Variants in PCDH15 observed in about 807,000 individuals in gnomAD.
PCDH15 encodes the protein protocadherin-15.
In PCDH15, 129 loss-of-function variants were observed where a neutral mutation model predicts 178.5. The observed-to-expected ratio is 0.72, with a 90% CI of 0.63 to 0.84. The LOEUF (loss-of-function observed/expected upper bound fraction) is 0.84. Among genes scored for constraint, PCDH15 ranks in the 40% least tolerant of loss-of-function variants. The pLI, the probability that PCDH15 is intolerant of heterozygous loss-of-function variation, is 0.00. For missense variants in PCDH15, 2,230 were observed against 2,099.9 expected, an observed-to-expected ratio of 1.06 and a Z score of -1.21; for synonymous variants, 800 against 732.0, an observed-to-expected ratio of 1.09 and a Z score of -1.50.
chr10:54,169,920 C>G (rs1486234389), intron 13 of PCDH15, among the ~76,000 whole-genome samples: 1 of 150,878 alleles, frequency 6.6e-6, no homozygotes, highest in East Asian at 1.9e-4. Flanking sequence ...AATTGTTTTG[C>G]CTATCCACCC....
At position 55,577,298 on chromosome 10, in the gene PCDH15, C is replaced by T. The variant is rs148014034; in HGVS notation, c.-156+50327G>A. 6.2e-3 allele frequency among the ~76,000 whole-genome samples: 938 copies of T among 151,936 alleles called. 10 individuals are homozygous for T. Among genetic ancestry groups the T allele is most frequent in the Middle Eastern group, 0.044 (13 of 294 alleles). ...GATTTGAATTCATATTTAAACTTGGCCAAAATTTATTTTCAGATTTTATTT... is the reference window on the plus strand; with the variant it reads ...GATTTGAATTCATATTTAAACTTGGTCAAAATTTATTTTCAGATTTTATTT... On this transcript the variant is annotated intron_variant, in intron 2 of 5. Coordinates refer to the PCDH15 transcript ENST00000613346.
intron 8 of PCDH15, among the ~76,000 whole-genome samples, chr10:54,296,609 A>G (rs1416573193): frequency 1.3e-5 from 2 of 152,074 alleles, no homozygotes; most frequent in South Asian, 2.1e-4. Context: ...TCCCTTCTTT[A>G]GGCACCCAGG....
At chr10:54,488,760 C>T (rs570175643) in intron 3 of PCDH15, among the ~76,000 whole-genome samples, 1 of 151,818 alleles carries the variant, frequency 6.6e-6, no homozygotes, top group African/African-American at 2.4e-5. Context: ...TAAGCAAATA[C>T]AGGAAGTCAT....
rs574130405 is a variant in PCDH15 at position 54,491,345 on chromosome 10, A to C, written c.157+36467T>G. ...GAAAGAAAAGTTAAAAAAAAAAAAG[A>C]AATGAAACTCCAAGAAATATGATCA... On this transcript the variant is annotated intron_variant, in intron 3 of 37. Transcript: ENST00000644397. Among the ~76,000 whole-genome samples the C allele has an allele frequency of 3.3e-5, 5 of 150,992 alleles. No homozygotes were observed. The South Asian group carries it at 8.4e-4, about 25-fold the overall frequency.
intron 2 of PCDH15, among the ~76,000 whole-genome samples, chr10:54,578,216 T>C (rs1371741899): frequency 5.3e-5 from 8 of 152,090 alleles, no homozygotes; most frequent in Non-Finnish European, 8.8e-5. Flanking sequence ...CTGCAGGAAG[T>C]TTTTGTGCCT....
At chr10:54,066,325 C>G (rs2094136637) in intron 18 of PCDH15, among the ~76,000 whole-genome samples, 1 of 152,016 alleles carries the variant, frequency 6.6e-6, no homozygotes, top group African/African-American at 2.4e-5. Flanking sequence ...CTTCTGAGTG[C>G]TGGAAAAGGT....
intron 1 of PCDH15, among the ~76,000 whole-genome samples, chr10:54,683,098 G>T (rs1483973945): frequency 1.3e-5 from 2 of 151,992 alleles, no homozygotes; most frequent in Non-Finnish European, 1.5e-5. Flanking sequence ...ATAAGACTTT[G>T]AAAGTCATAT....
chr10:54,089,872 G>T, intron 16 of PCDH15, 112 bp downstream of exon 16: 1 of 801,046 alleles, frequency 1.2e-6, no homozygotes, highest in Non-Finnish European at 2.1e-6. Context: ...ATAGAAAACA[G>T]AAAGGGAAGT....
At chr10:54,038,965 T>C (rs16937872) in intron 18 of PCDH15, among the ~76,000 whole-genome samples, 20,625 of 151,892 alleles carry the variant, frequency 0.14, 2,950 homozygotes, top group African/African-American at 0.35. Flanking sequence ...CTAATATTTG[T>C]CATTTTCCAC....
chr10:54,694,851 G>A (rs566195907), intron 1 of PCDH15, among the ~76,000 whole-genome samples: 140 of 152,128 alleles, frequency 9.2e-4, no homozygotes, highest in Admixed American at 1.8e-3. Context: ...GGAGTCCCAG[G>A]CCTCTCATTT....
At chr10:53,880,284 A>T in intron 26 of PCDH15, among the ~76,000 whole-genome samples, 1 of 152,198 alleles carries the variant, frequency 6.6e-6, no homozygotes, top group East Asian at 1.9e-4. Flanking sequence ...GAGCAGGAAG[A>T]CTTGTATTTT....
intron 2 of PCDH15, among the ~76,000 whole-genome samples, chr10:54,965,347 A>G (rs1020606151): frequency 2.0e-5 from 3 of 152,076 alleles, no homozygotes; most frequent in African/African-American, 7.2e-5. Context: ...TCCCCACGCT[A>G]TTCTCATGAC....
intron 2 of PCDH15, among the ~76,000 whole-genome samples, chr10:55,062,775 G>A (rs1323705885): frequency 1.3e-5 from 2 of 152,094 alleles, no homozygotes; most frequent in Non-Finnish European, 2.9e-5. Context: ...CTCATCAATT[G>A]CAACATATGT....
At chr10:54,295,464 A>C (rs2059693060) in intron 8 of PCDH15, among the ~76,000 whole-genome samples, 1 of 152,140 alleles carries the variant, frequency 6.6e-6, no homozygotes, top group Admixed American at 6.5e-5. Flanking sequence ...CTTTGCAATA[A>C]ATCTTGCTGG....
At chr10:54,498,071 C>T (rs973653109) in intron 3 of PCDH15, among the ~76,000 whole-genome samples, 2 of 151,830 alleles carry the variant, frequency 1.3e-5, no homozygotes, top group East Asian at 3.9e-4. Context: ...GGGAAGGCAA[C>T]ATAAAAAGGG....
intron 2 of PCDH15, among the ~76,000 whole-genome samples, chr10:54,545,906 C>T (rs61853619): frequency 0.045 from 6,893 of 152,222 alleles, 198 homozygotes; most frequent in East Asian, 0.065. Flanking sequence ...TAGGGTCTAC[C>T]TTGGAATCTG....
intron 2 of PCDH15, among the ~76,000 whole-genome samples, chr10:55,422,164 G>A (rs1034464900): frequency 2.0e-5 from 3 of 150,876 alleles, no homozygotes; most frequent in Non-Finnish European, 3.0e-5. Flanking sequence ...TCTAAAAACT[G>A]TTTCTACAGA....
intron 2 of PCDH15, among the ~76,000 whole-genome samples, chr10:55,414,179 C>T (rs1351361736): frequency 6.6e-6 from 1 of 151,278 alleles, no homozygotes; most frequent in Non-Finnish European, 1.5e-5. Flanking sequence ...TAAAAGTGTG[C>T]CTTTGTATTT....
At chr10:54,962,100 T>C (rs910845837) in intron 2 of PCDH15, among the ~76,000 whole-genome samples, 1 of 152,204 alleles carries the variant, frequency 6.6e-6, no homozygotes, top group Non-Finnish European at 1.5e-5. Context: ...GGACAAGAAT[T>C]TGGGATCCAC....
Sources: allele counts gnomAD v4.1 joint callset (sites outside exome capture counted in the v4.1 genomes callset), GRCh38; gene constraint gnomAD v4.1.1; transcripts MANE v1.5; gene names NCBI Gene and HGNC (gene_info 2026-07-23, HGNC 2026-07-21).